Variants in CES5A observed in about 807,000 individuals in gnomAD.
CES5A encodes carboxylesterase 5.
A neutral mutation model predicts 62.9 loss-of-function variants in CES5A; 67 were observed. The ratio of observed to expected loss-of-function variants is 1.07; its 90% CI spans 0.88 to 1.31. The LOEUF (loss-of-function observed/expected upper bound fraction) is 1.31, where lower values mean the gene tolerates loss of function less well. Ranked by LOEUF, CES5A falls within the 50% of genes most tolerant of loss-of-function variation. The probability of loss-of-function intolerance (pLI) is 0.00; values close to 1 mark genes in which losing one functional copy is unlikely to be tolerated. For missense variants in CES5A, 748 were observed against 708.5 expected, an observed-to-expected ratio of 1.06 and a Z score of -0.63; for synonymous variants, 296 against 280.8, an observed-to-expected ratio of 1.05 and a Z score of -0.54.
chr16:55,863,023 C>G (rs762039560), intron 6 of CES5A, among the ~76,000 whole-genome samples: 5 of 152,200 alleles, frequency 3.3e-5, no homozygotes, highest in Admixed American at 6.5e-5. Flanking sequence ...TATTCATTCC[C>G]AGTAGAGTAG....
rs73553873 is a variant in CES5A at position 55,870,895 on chromosome 16, C to A, written c.417+730G>T. Among the ~76,000 whole-genome samples the A allele has an allele frequency of 9.2e-3, 1,397 of 152,254 alleles. 25 individuals carry two copies. The highest frequency in any genetic ancestry group is 0.032 in the African/African-American group (1,311 of 41,554). On this transcript the variant is annotated intron_variant, in intron 3 of 12. Transcript: ENST00000290567. The stretch of plus-strand genomic sequence containing the variant: ...AGCCACTGAGGAAAGGGGAGGTGGA[C>A]AAACCTCTGGCTTTGGTGCCAGAAT...
chr16:55,929,093 G>T (rs1306196592), upstream of CES5A, among the ~76,000 whole-genome samples: 1 of 152,242 alleles, frequency 6.6e-6, no homozygotes, highest in Non-Finnish European at 1.5e-5. Flanking sequence ...CACATGGCCA[G>T]TGGGCTCTAA....
intron 1 of CES5A, among the ~76,000 whole-genome samples, chr16:55,954,119 T>C (rs968133477): frequency 1.3e-5 from 2 of 152,176 alleles, no homozygotes; most frequent in African/African-American, 2.4e-5. Flanking sequence ...AATTTTTAGC[T>C]CCCACATGTG....
At chr16:55,940,762 T>A (rs887861458) in intron 2 of CES5A, among the ~76,000 whole-genome samples, 10 of 151,122 alleles carry the variant, frequency 6.6e-5, no homozygotes, top group Non-Finnish European at 1.3e-4. Flanking sequence ...AGAAGCAAAA[T>A]TTCTCAGCAA....
In CES5A at chr16:55,883,270, GT is replaced by G. The variant is rs573820560; in HGVS notation, c.-255-9234del. Among the ~76,000 whole-genome samples the G allele has an allele frequency of 2.7e-4, 41 of 151,876 alleles. No individual in the cohort carries two copies. The East Asian group carries it at 7.2e-3, about 26-fold the overall frequency. On this transcript the variant is annotated intron_variant, in intron 1 of 12. Transcript: ENST00000518005. ...CCATTGCATCTTTTTTTTGTTTTTT[GT>G]TTTGTTTTGTTTTGTTTCGTTTTAG...
intron 1 of CES5A, among the ~76,000 whole-genome samples, chr16:55,904,165 G>A (rs1168993516): frequency 6.6e-6 from 1 of 152,188 alleles, no homozygotes; most frequent in South Asian, 2.1e-4. Context: ...ATGAGGAAAA[G>A]GAGATTCCTG....
At chr16:55,895,238 T>C (rs1343643208) in intron 1 of CES5A, among the ~76,000 whole-genome samples, 1 of 152,214 alleles carries the variant, frequency 6.6e-6, no homozygotes, top group African/African-American at 2.4e-5. Context: ...GAAATCTCTG[T>C]CAAATTACTA....
At chr16:55,856,023 C>G (rs528845020) in intron 9 of CES5A, among the ~76,000 whole-genome samples, 26 of 152,272 alleles carry the variant, frequency 1.7e-4, no homozygotes, top group Middle Eastern at 3.4e-3. Context: ...CCCTCTCTCT[C>G]TTCCTCCTGC....
At chr16:55,954,495 A>G (rs2034588908) in intron 1 of CES5A, among the ~76,000 whole-genome samples, 1 of 152,244 alleles carries the variant, frequency 6.6e-6, no homozygotes, top group African/African-American at 2.4e-5. Flanking sequence ...GTGGCCAAAC[A>G]GATGGTGAAG....
At chr16:55,894,722 C>A (rs1239561144) in intron 1 of CES5A, among the ~76,000 whole-genome samples, 1 of 151,998 alleles carries the variant, frequency 6.6e-6, no homozygotes, top group Non-Finnish European at 1.5e-5. Context: ...AAAAAAGTTG[C>A]CGAACCTCAA....
chr16:55,869,539 T>C (rs1452434124), intron 4 of CES5A, 72 bp downstream of exon 4: 1 of 1,524,026 alleles, frequency 6.6e-7, no homozygotes, highest in Non-Finnish European at 8.8e-7. Context: ...CTTAGGTTGC[T>C]GGGCACTGTC....
intron 10 of CES5A, among the ~76,000 whole-genome samples, chr16:55,850,111 G>T (rs1269848143): frequency 6.6e-6 from 1 of 152,046 alleles, no homozygotes; most frequent in Non-Finnish European, 1.5e-5. Flanking sequence ...GAACTGTAAG[G>T]GTTCTTCTAT....
intron 11 of CES5A, among the ~76,000 whole-genome samples, chr16:55,847,315 C>T (rs1274672371): frequency 6.7e-6 from 1 of 149,458 alleles, no homozygotes; most frequent in East Asian, 2.0e-4. Context: ...CTCTCTCTCC[C>T]TTCTCTCTTT....
upstream of CES5A, among the ~76,000 whole-genome samples, chr16:55,875,597 A>G (rs1346124346): frequency 6.6e-6 from 1 of 152,222 alleles, no homozygotes; most frequent in Non-Finnish European, 1.5e-5. Context: ...CCAGAAAGAC[A>G]CAGTGCAGGT....
rs115156247 is a variant in CES5A at position 55,886,423 on chromosome 16, T to A, written c.-255-12386A>T. ...TGTAGATCTTTGTGTTTTATGTTAATGCCCAATAAGAAACTCTACAAACAG... is the reference window on the plus strand; with the variant it reads ...TGTAGATCTTTGTGTTTTATGTTAAAGCCCAATAAGAAACTCTACAAACAG... On this transcript the variant is annotated intron_variant, in intron 1 of 12. Transcript: ENST00000518005. 4.9e-3 allele frequency among the ~76,000 whole-genome samples: 515 copies of A among 104,870 alleles called. 3 individuals carry two copies. The highest frequency in any genetic ancestry group is 0.017 in the African/African-American group (465 of 27,286). The allele number at this position is 104,870 out of a possible 152,430, so 68.8% of individuals were successfully genotyped here.
chr16:55,951,892 G>A (rs1435931056), intron 1 of CES5A, among the ~76,000 whole-genome samples: 2 of 152,156 alleles, frequency 1.3e-5, no homozygotes, highest in East Asian at 1.9e-4. Context: ...CAATCAAATA[G>A]CTGTGGATCA....
At chr16:55,919,162 C>T (rs2034176833) in intron 1 of CES5A, among the ~76,000 whole-genome samples, 1 of 152,234 alleles carries the variant, frequency 6.6e-6, no homozygotes, top group African/African-American at 2.4e-5. Flanking sequence ...GGCAATGAGT[C>T]CCTGAACAGG....
intron 10 of CES5A, among the ~76,000 whole-genome samples, chr16:55,850,124 T>G (rs1178247984): frequency 6.6e-6 from 1 of 152,254 alleles, no homozygotes; most frequent in East Asian, 1.9e-4. Context: ...TCTTCTATTC[T>G]GGATATGATT....
intron 7 of CES5A, 129 bp downstream of exon 7, chr16:55,861,283 T>A (rs1189888561): frequency 1.6e-6 from 1 of 629,516 alleles, no homozygotes; most frequent in Non-Finnish European, 2.8e-6. Flanking sequence ...TTTTTACAGC[T>A]GTTACCAAGT....
Sources: gnomAD v4.1 joint callset for allele counts (sites outside exome capture counted in the v4.1 genomes callset) on GRCh38, gnomAD v4.1.1 for gene constraint, MANE v1.5 for transcripts, NCBI Gene and HGNC (gene_info 2026-07-23, HGNC 2026-07-21) for gene names.